The following L2HGDH variants were observed in gnomAD, a reference collection of about 807,000 sequenced individuals.
L2HGDH encodes L-2-hydroxyglutarate dehydrogenase.
In L2HGDH, 34 loss-of-function variants were observed where a neutral mutation model predicts 51.5. The ratio of observed to expected loss-of-function variants is 0.66; its 90% CI spans 0.50 to 0.88. The LOEUF is 0.88. Among genes scored for constraint, L2HGDH ranks in the 40% least tolerant of loss-of-function variants. The pLI, the probability that L2HGDH is intolerant of heterozygous loss-of-function variation, is 0.00. For missense variants in L2HGDH, 558 were observed against 571.9 expected, an observed-to-expected ratio of 0.98 and a Z score of 0.25; for synonymous variants, 198 against 197.9, an observed-to-expected ratio of 1.00 and a Z score of -0.01.
rs1425239942 is a variant in L2HGDH, at chr14:50,244,854, G to C, written c.*2204C>G. 1.0e-6 allele frequency: 1 copy of C among 985,430 alleles called. No individual in the cohort carries two copies. Among genetic ancestry groups the C allele is most frequent in the Non-Finnish European group, 1.2e-6 (1 of 829,920 alleles). 61.0% of individuals were successfully genotyped at this position (985,430 alleles called of 1,614,324 possible). ...GCTTTGGAGAGCTAAGAGGAAAGAA[G>C]ACATACACAGTAGAAGATGAATCCT... On this transcript the variant is annotated 3_prime_UTR_variant, in exon 10 of 10. Coordinates refer to ENST00000267436, the MANE Select transcript of L2HGDH (RefSeq NM_024884.3).
chr14:50,263,464 C>T (rs1325100667), intron 9 of L2HGDH, among the ~76,000 whole-genome samples: 1 of 152,202 alleles, frequency 6.6e-6, no homozygotes, highest in Non-Finnish European at 1.5e-5. Flanking sequence ...CGAGGACGCT[C>T]CCCTAAGAGA....
chr14:50,294,215 G>A lies in L2HGDH; in HGVS notation c.440C>T (p.Pro147Leu). 1 of 1,613,386 alleles carries A rather than the reference G, an allele frequency of 6.2e-7. No individual in the cohort carries two copies. The highest frequency in any genetic ancestry group is 8.5e-7 in the Non-Finnish European group (1 of 1,179,876). ...TTTCTCATATAGGGCCTGAAGTCTG[G>A]GAATTTCTTCTTGTTCAACAGCTAC... ...LIVAVEQEEIPRLQALYEKGL... is the reference protein window; with the variant it reads ...LIVAVEQEEILRLQALYEKGL... Residue 147 changes from proline (P) to leucine (L), a missense_variant, in exon 4 of 10, where the codon CCC (proline) becomes CTC (leucine). Pro to Leu is a moderately conservative substitution (Grantham distance 98, BLOSUM62 -3). This residue lies in a region of L2HGDH where 194 missense variants were observed against 187.2 expected (regional missense o/e 1.04). Transcript: ENST00000267436.
At chr14:50,259,587 G>C (rs1403943641) in intron 9 of L2HGDH, among the ~76,000 whole-genome samples, 3 of 151,580 alleles carry the variant, frequency 2.0e-5, no homozygotes, top group Non-Finnish European at 4.4e-5. Context: ...TCAGCACTTT[G>C]GGAGGCCAAG....
intron 4 of L2HGDH, among the ~76,000 whole-genome samples, chr14:50,285,837 C>A (rs550296158): frequency 3.9e-5 from 6 of 152,292 alleles, no homozygotes; most frequent in Admixed American, 1.3e-4. Context: ...CCAGACCTTC[C>A]CTAGAAGGTG....
chr14:50,249,028 T>C (rs1236297525), intron 9 of L2HGDH, among the ~76,000 whole-genome samples: 5 of 152,172 alleles, frequency 3.3e-5, no homozygotes, highest in Non-Finnish European at 5.9e-5. Context: ...TGGGGGCCTT[T>C]ACACTGAACT....
chr14:50,299,311 A>G (rs2153554), intron 3 of L2HGDH, among the ~76,000 whole-genome samples: 25,400 of 152,174 alleles, frequency 0.17, 2,648 homozygotes, highest in African/African-American at 0.3. Flanking sequence ...ATAAAAGGCA[A>G]TAAGATCGAA....
rs146713332 is a variant in L2HGDH at position 50,297,818 on chromosome 14, C to A, written c.409-3572G>T. ...ATTAAACAATATGCCTCTGGCCAGG[C>A]ATAGTGGTTCACACCTGTAATTTCA... On this transcript the variant is annotated intron_variant, in intron 3 of 9. Transcript: ENST00000267436. 1.4e-4 allele frequency among the ~76,000 whole-genome samples: 21 copies of A among 152,208 alleles called. No homozygotes were observed. The East Asian group carries it at 3.3e-3, about 24-fold the overall frequency.
At chr14:50,309,547 G>A (rs2030928152) in intron 1 of L2HGDH, among the ~76,000 whole-genome samples, 1 of 144,022 alleles carries the variant, frequency 6.9e-6, no homozygotes, top group Admixed American at 7.1e-5. Context: ...GGGTGACAAA[G>A]CGAGACTTCG....
chr14:50,256,536 TA>T (rs1888675188), intron 9 of L2HGDH, among the ~76,000 whole-genome samples: 1 of 151,674 alleles, frequency 6.6e-6, no homozygotes, highest in South Asian at 2.1e-4. Context: ...AAAAAAAAAT[TA>T]AAAGCATTTT....
At chr14:50,248,094 A>C (rs1263149602) in intron 9 of L2HGDH, among the ~76,000 whole-genome samples, 1 of 152,196 alleles carries the variant, frequency 6.6e-6, no homozygotes, top group African/African-American at 2.4e-5. Context: ...ACAACTGTAA[A>C]GACACTGATA....
chr14:50,256,961 A>C (rs1440233250), intron 9 of L2HGDH, among the ~76,000 whole-genome samples: 2 of 152,048 alleles, frequency 1.3e-5, no homozygotes, highest in African/African-American at 4.8e-5. Flanking sequence ...TTTGAGACGG[A>C]GTCTCACTCT....
rs193263778 is a variant in L2HGDH at position 50,254,920 on chromosome 14, T to C, written c.1197-7667A>G. Among the ~76,000 whole-genome samples the C allele has an allele frequency of 4.6e-5, 7 of 151,474 alleles. No individual in the cohort carries two copies. In the East Asian group the frequency reaches 1.4e-3, roughly 29 times the overall value. Reference sequence around the variant, plus strand: ...AGGCGTGGTGTTGAGTGTCTGAGTGTCTGTAGTCCCAGCTACTTGGAAGGC... The same window carrying C: ...AGGCGTGGTGTTGAGTGTCTGAGTGCCTGTAGTCCCAGCTACTTGGAAGGC... On this transcript the variant is annotated intron_variant, in intron 9 of 9. Transcript: ENST00000267436.
At chr14:50,294,350 A>T in intron 3 of L2HGDH, 104 bp from the exon 4 acceptor site, 1 of 1,125,278 alleles carries the variant, frequency 8.9e-7, no homozygotes, top group Admixed American at 2.6e-5. Context: ...GACCCAAAGG[A>T]GGTTAATTTT....
At chr14:50,267,719 A>T in intron 8 of L2HGDH, 34 bp downstream of exon 8, 1 of 1,507,660 alleles carries the variant, frequency 6.6e-7, no homozygotes, top group Non-Finnish European at 9.2e-7. Flanking sequence ...AAATATAAGC[A>T]CATAAAATCA....
At position 50,246,535 on chromosome 14, in the gene L2HGDH, C is replaced by T. The variant is rs1405147885; in HGVS notation, c.*523G>A. On this transcript the variant is annotated 3_prime_UTR_variant, in exon 10 of 10. Transcript: ENST00000267436. ...GAACATAAGCTCACTGCAGCCTAGA[C>T]CTCCTGGGCTCAAGTGATCCTCTCA... 1.3e-5 allele frequency: 2 copies of T among 151,406 alleles called. No homozygotes were observed. Among genetic ancestry groups the T allele is most frequent in the African/African-American group, 5.0e-5 (2 of 39,940 alleles). 9.4% of individuals were successfully genotyped at this position (151,406 alleles called of 1,614,324 possible). A position where few individuals can be genotyped will look rare whatever the true frequency, so the allele number is the denominator to read the frequency against.
At chr14:50,271,944 T>C (rs1443572268) in intron 6 of L2HGDH, among the ~76,000 whole-genome samples, 1 of 152,056 alleles carries the variant, frequency 6.6e-6, no homozygotes, top group Non-Finnish European at 1.5e-5. Context: ...AGTTCAAGAC[T>C]AGCCTGGACA....
At chr14:50,262,421 T>G (rs1889084498) in intron 9 of L2HGDH, among the ~76,000 whole-genome samples, 1 of 123,864 alleles carries the variant, frequency 8.1e-6, no homozygotes, top group South Asian at 2.8e-4. Context: ...AGACCGAGAC[T>G]CTGTCTCAAA....
At chr14:50,282,186 C>T (rs1200469160) in intron 5 of L2HGDH, among the ~76,000 whole-genome samples, 1 of 152,128 alleles carries the variant, frequency 6.6e-6, no homozygotes, top group Non-Finnish European at 1.5e-5. Context: ...ATGGTACCGG[C>T]ATCTAGTGGA....
intron 6 of L2HGDH, among the ~76,000 whole-genome samples, chr14:50,274,144 C>A (rs952065312): frequency 7.0e-6 from 1 of 142,040 alleles, no homozygotes; most frequent in Non-Finnish European, 1.6e-5. Context: ...CCGGGCATGG[C>A]AGCACGTGCC....
Sources: allele counts gnomAD v4.1 joint callset (sites outside exome capture counted in the v4.1 genomes callset), GRCh38; gene constraint gnomAD v4.1.1; regional missense constraint gnomAD v4.1.1; transcripts MANE v1.5; gene names NCBI Gene and HGNC (gene_info 2026-07-23, HGNC 2026-07-21).